Variants in ANK2 observed in about 807,000 individuals in gnomAD.
ANK2 encodes the protein ankyrin 2.
Under a neutral mutation model 360.5 loss-of-function variants are expected in ANK2, and 83 were observed. The observed-to-expected ratio is 0.23, with a 90% CI of 0.19 to 0.28. The LOEUF is 0.28. Among genes scored for constraint, ANK2 ranks in the 10% least tolerant of loss-of-function variants. The probability of loss-of-function intolerance (pLI) is 1.00; values close to 1 mark genes in which losing one functional copy is unlikely to be tolerated. For missense variants in ANK2, 4,201 were observed against 4,795.7 expected (o/e 0.88, Z 3.66); for synonymous variants, 1,740 against 1,759.5 (o/e 0.99, Z 0.28).
intron 2 of ANK2, among the ~76,000 whole-genome samples, chr4:112,910,290 C>T (rs781099894): frequency 1.3e-5 from 2 of 152,132 alleles, no homozygotes; most frequent in Non-Finnish European, 2.9e-5. Context: ...TTGTAAAATG[C>T]TTACGGCTTT....
intron 2 of ANK2, among the ~76,000 whole-genome samples, chr4:113,181,389 G>A (rs1428445715): frequency 6.6e-6 from 1 of 152,078 alleles, no homozygotes; most frequent in Non-Finnish European, 1.5e-5. Context: ...TAGTAGAATC[G>A]CAGCATTTTT....
intron 1 of ANK2, among the ~76,000 whole-genome samples, chr4:112,833,999 TAA>T (rs2060446649): frequency 6.6e-6 from 1 of 152,250 alleles, no homozygotes; most frequent in Non-Finnish European, 1.5e-5. Flanking sequence ...ACACAAATTG[TAA>T]CATACTACAT....
rs899988600 is a variant in ANK2, at chr4:113,244,839, C to A, written c.891+2630C>A. 7.2e-5 allele frequency among the ~76,000 whole-genome samples: 11 copies of A among 152,140 alleles called. 1 individual carries two copies. The highest frequency in any genetic ancestry group is 1.2e-4 in the Non-Finnish European group (8 of 68,032). On this transcript the variant is annotated intron_variant, in intron 9 of 45. Coordinates refer to ENST00000357077, the MANE Select transcript of ANK2 (RefSeq NM_001148.6). ...GTCCATGTGTTCTCATTGTTCAACT[C>A]CCACCTATGATCGAGACCATGTGGG... is the stretch of plus-strand genomic sequence containing the variant.
chr4:112,813,857 G>A (rs1398009690), upstream of ANK2, among the ~76,000 whole-genome samples: 2 of 152,162 alleles, frequency 1.3e-5, no homozygotes, highest in Admixed American at 6.5e-5. Context: ...AAAAGAAATA[G>A]GCCTCAATGC....
intron 1 of ANK2, among the ~76,000 whole-genome samples, chr4:113,159,261 G>T (rs2629738): frequency 0.69 from 104,145 of 151,208 alleles, 36,420 homozygotes; most frequent in African/African-American, 0.81. Flanking sequence ...GTAGATATTT[G>T]TGTAAAAATG....
intron 1 of ANK2, among the ~76,000 whole-genome samples, chr4:112,875,870 T>G (rs1201963032): frequency 6.6e-6 from 1 of 151,814 alleles, no homozygotes. Flanking sequence ...GCCTCCCAAG[T>G]AGCTGAGACC....
chr4:112,796,338 G>A, the ANK2 span, among the ~76,000 whole-genome samples: 2 of 151,964 alleles, frequency 1.3e-5, no homozygotes, highest in African/African-American at 2.4e-5. Context: ...CAGGAGAATT[G>A]CTTGAAGTCA....
intron 4 of ANK2, among the ~76,000 whole-genome samples, chr4:113,231,177 G>A (rs2099296122): frequency 6.6e-6 from 1 of 151,312 alleles, no homozygotes; most frequent in Non-Finnish European, 1.5e-5. Context: ...TCAGCCTCCC[G>A]AGTAGCTGGG....
chr4:113,209,015 A>G (rs1372980695), intron 4 of ANK2, among the ~76,000 whole-genome samples: 1 of 152,040 alleles, frequency 6.6e-6, no homozygotes, highest in Non-Finnish European at 1.5e-5. Context: ...CTGGCTAAAA[A>G]TCAACTAACA....
intron 1 of ANK2, among the ~76,000 whole-genome samples, chr4:113,100,524 T>A (rs1013115154): frequency 1.3e-5 from 2 of 152,108 alleles, no homozygotes; most frequent in African/African-American, 4.8e-5. Flanking sequence ...TTCATTGATG[T>A]TAAGAATGCA....
chr4:113,096,592 T>C (rs971820248), intron 1 of ANK2, among the ~76,000 whole-genome samples: 4 of 152,174 alleles, frequency 2.6e-5, no homozygotes, highest in Non-Finnish European at 5.9e-5. Flanking sequence ...TAACTCTTTT[T>C]AAAAAAATTC....
intron 35 of ANK2, among the ~76,000 whole-genome samples, chr4:113,346,299 G>C (rs933077642): frequency 1.3e-5 from 2 of 152,134 alleles, no homozygotes; most frequent in Admixed American, 1.3e-4. Flanking sequence ...CATTGGGCAT[G>C]GAAGTAAGAA....
At chr4:113,225,719 T>G (rs1353390981) in intron 4 of ANK2, among the ~76,000 whole-genome samples, 1 of 152,188 alleles carries the variant, frequency 6.6e-6, no homozygotes, top group Non-Finnish European at 1.5e-5. Flanking sequence ...TTTACTTGCT[T>G]TAAAGATTTT....
intron 1 of ANK2, among the ~76,000 whole-genome samples, chr4:113,148,457 T>G (rs1169899428): frequency 6.6e-6 from 1 of 152,206 alleles, no homozygotes; most frequent in Non-Finnish European, 1.5e-5. Context: ...GATTTTTATT[T>G]TATTGCTTCA....
chr4:113,060,984 T>C (rs1340422306), intron 1 of ANK2, among the ~76,000 whole-genome samples: 1 of 152,152 alleles, frequency 6.6e-6, no homozygotes, highest in African/African-American at 2.4e-5. Context: ...GTCACTAATC[T>C]ATCATGTGCT....
intron 2 of ANK2, among the ~76,000 whole-genome samples, chr4:112,936,875 A>G (rs942796135): frequency 6.6e-5 from 10 of 152,178 alleles, no homozygotes; most frequent in Admixed American, 2.0e-4. Context: ...TGCAGCCTCA[A>G]TCTCCGGGGC....
chr4:113,051,240 G>A (rs146134060), intron 1 of ANK2, among the ~76,000 whole-genome samples: 1 of 152,226 alleles, frequency 6.6e-6, no homozygotes, highest in East Asian at 1.9e-4. Context: ...AGGAATTTTT[G>A]TTTTAATTCA....
At chr4:112,838,494 C>T (rs928708221) in intron 1 of ANK2, among the ~76,000 whole-genome samples, 2 of 152,208 alleles carry the variant, frequency 1.3e-5, no homozygotes, top group Non-Finnish European at 2.9e-5. Context: ...AGTTGTGGAA[C>T]TAGAGTGAAT....
intron 1 of ANK2, among the ~76,000 whole-genome samples, chr4:113,111,916 AT>A (rs1181035897): frequency 6.6e-6 from 1 of 152,182 alleles, no homozygotes; most frequent in Non-Finnish European, 1.5e-5. Flanking sequence ...AAACACTTCT[AT>A]GGCTGGATTT....
Sources: gnomAD v4.1 joint callset for allele counts (sites outside exome capture counted in the v4.1 genomes callset) on GRCh38, gnomAD v4.1.1 for gene constraint, MANE v1.5 for transcripts, NCBI Gene and HGNC (gene_info 2026-07-23, HGNC 2026-07-21) for gene names.